The following HS3ST2 variants were observed in gnomAD, a reference collection of about 807,000 sequenced individuals.
HS3ST2 encodes the protein heparan sulfate-glucosamine 3-sulfotransferase 2.
HS3ST2 carries 17 observed loss-of-function variants against 26.3 expected under a neutral mutation model. The ratio of observed to expected loss-of-function variants is 0.65; its 90% CI spans 0.44 to 0.97. The LOEUF (loss-of-function observed/expected upper bound fraction) is 0.97. HS3ST2 is among the 50% of genes least tolerant of loss of function. The pLI is 0.00. For missense variants in HS3ST2, 402 were observed against 501.2 expected (o/e 0.80, Z 1.89); for synonymous variants, 237 against 219.2 (o/e 1.08, Z -0.72).
At chr16:22,855,442 CCTGG>C (rs1901576845) in intron 1 of HS3ST2, among the ~76,000 whole-genome samples, 1 of 152,120 alleles carries the variant, frequency 6.6e-6, no homozygotes, top group African/African-American at 2.4e-5. Flanking sequence ...GCTTCCAGGC[CCTGG>C]CTGGCTGGCT....
chr16:22,815,667 C>T (rs1024420361), intron 1 of HS3ST2, among the ~76,000 whole-genome samples: 2 of 152,078 alleles, frequency 1.3e-5, no homozygotes, highest in East Asian at 1.9e-4. Flanking sequence ...GGGCTGAGAC[C>T]CCCAGTAGCT....
At chr16:22,854,639 CTTT>C (rs35867719) in intron 1 of HS3ST2, 24 of 127,330 alleles carry the variant, frequency 1.9e-4, no homozygotes, top group Non-Finnish European at 1.8e-4. Flanking sequence ...GTATTAAATG[CTTT>C]TTTTTTTTTT....
rs188462668 is a variant in HS3ST2, at chr16:22,828,129, G to A, written c.485+13034G>A. Among the ~76,000 whole-genome samples, 18 of 152,226 alleles carry A rather than the reference G, an allele frequency of 1.2e-4. 1 individual carries two copies. Among genetic ancestry groups the A allele is most frequent in the Admixed American group, 6.5e-4 (10 of 15,290 alleles). ...TTGACTGGTCCTGTCTATCATAGAC[G>A]TCCCTAAACTAACCAAAGAAAAGAA... On this transcript the variant is annotated intron_variant, in intron 1 of 1. Transcript: ENST00000261374.
rs1361441828 is a variant in HS3ST2 at position 22,836,142 on chromosome 16, A to G, written c.485+21047A>G. Among the ~76,000 whole-genome samples, 6 of 152,210 alleles carry G rather than the reference A, an allele frequency of 3.9e-5. No homozygotes were observed. The East Asian group carries it at 1.2e-3, about 29-fold the overall frequency. Reference sequence around the variant, plus strand: ...TGAAGGGCTGAAGCATCTTTATGATACTGAAAAAAAGGATTAGGTAAAATC... The same window carrying G: ...TGAAGGGCTGAAGCATCTTTATGATGCTGAAAAAAAGGATTAGGTAAAATC... On this transcript the variant is annotated intron_variant, in intron 1 of 1. Transcript: ENST00000261374.
chr16:22,891,895 A>G (rs1437218647), intron 1 of HS3ST2, among the ~76,000 whole-genome samples: 1 of 152,160 alleles, frequency 6.6e-6, no homozygotes, highest in Non-Finnish European at 1.5e-5. Context: ...CGAATTTATA[A>G]GTGCACAGGG....
At chr16:22,840,090 C>A (rs1253929414) in intron 1 of HS3ST2, among the ~76,000 whole-genome samples, 1 of 152,212 alleles carries the variant, frequency 6.6e-6, no homozygotes, top group Non-Finnish European at 1.5e-5. Flanking sequence ...AAAGCACATG[C>A]CATCTTTGAC....
intron 1 of HS3ST2, among the ~76,000 whole-genome samples, chr16:22,880,239 C>A (rs746267579): frequency 1.6e-4 from 24 of 152,038 alleles, no homozygotes; most frequent in Non-Finnish European, 3.4e-4. Flanking sequence ...GGCAACATAG[C>A]AAGACCCTAT....
intron 1 of HS3ST2, among the ~76,000 whole-genome samples, chr16:22,845,323 T>C (rs998541643): frequency 6.8e-6 from 1 of 146,870 alleles, no homozygotes; most frequent in African/African-American, 2.7e-5. Context: ...AGGAATTTCC[T>C]TTTTTGTGTG....
In HS3ST2 at chr16:22,915,722, G is replaced by T; in HGVS notation, c.*160G>T. The stretch of plus-strand genomic sequence containing the variant: ...AACCAGGAAGCCCAGCTAAAGCCAA[G>T]AGACCAGAGAGTCCCTGCCACTAGT... On this transcript the variant is annotated 3_prime_UTR_variant, in exon 2 of 2. Transcript: ENST00000261374. 1 of 723,640 alleles carries T rather than the reference G, an allele frequency of 1.4e-6. No homozygotes were observed. The highest frequency in any genetic ancestry group is 2.3e-6 in the Non-Finnish European group (1 of 438,256). The allele number at this position is 723,640 out of a possible 1,614,324, so 44.8% of individuals were successfully genotyped here.
Position 22,915,203 on chromosome 16 carries a change from C to G in HS3ST2, c.745C>G (p.Arg249Gly). 6.2e-7 allele frequency: 1 copy of G among 1,614,140 alleles called. No individual in the cohort carries two copies. Among genetic ancestry groups the G allele is most frequent in the Non-Finnish European group, 8.5e-7 (1 of 1,180,028 alleles). ...GGTGGACGTGTCATGGAACGCCATC[C>G]GCATCGGCATGTACGTGCTGCACCT... The part of the protein sequence containing the change: ...GLVDVSWNAI[R>G]IGMYVLHLES... The change falls in exon 2 of 2, where the codon CGC (arginine) becomes GGC (glycine). Residue 249 changes from arginine (R) to glycine (G), a missense_variant. Around this residue, in one of 2 missense-constraint regions of HS3ST2, gnomAD observed 237 missense variants for 346.6 expected, o/e 0.68. Transcript: ENST00000261374.
intron 1 of HS3ST2, among the ~76,000 whole-genome samples, chr16:22,897,625 A>G (rs1359186230): frequency 6.6e-6 from 1 of 152,212 alleles, no homozygotes; most frequent in Admixed American, 6.5e-5. Flanking sequence ...CCTGGTTCCA[A>G]TTTTCTAAAA....
intron 1 of HS3ST2, among the ~76,000 whole-genome samples, chr16:22,845,770 G>A (rs919890622): frequency 6.6e-6 from 1 of 152,196 alleles, no homozygotes; most frequent in Non-Finnish European, 1.5e-5. Context: ...AGCAACACAA[G>A]AAGCAACTTA....
chr16:22,874,919 C>T (rs2015695), intron 1 of HS3ST2, among the ~76,000 whole-genome samples: 1 of 151,996 alleles, frequency 6.6e-6, no homozygotes, highest in African/African-American at 2.4e-5. Context: ...AAATCACATA[C>T]AGGGAAGGGC....
At chr16:22,830,452 C>A (rs1287418884) in intron 1 of HS3ST2, among the ~76,000 whole-genome samples, 1 of 152,136 alleles carries the variant, frequency 6.6e-6, no homozygotes, top group East Asian at 1.9e-4. Context: ...TTCTGTTCAC[C>A]CTTGATCAGT....
At chr16:22,815,358 C>T (rs1900848741) in intron 1 of HS3ST2, among the ~76,000 whole-genome samples, 1 of 152,184 alleles carries the variant, frequency 6.6e-6, no homozygotes, top group Non-Finnish European at 1.5e-5. Flanking sequence ...AACCTAAGTG[C>T]CAGCTAAAGG....
At chr16:22,857,005 C>A (rs191296964) in intron 1 of HS3ST2, among the ~76,000 whole-genome samples, 1 of 152,072 alleles carries the variant, frequency 6.6e-6, no homozygotes, top group Non-Finnish European at 1.5e-5. Context: ...ATAATATATT[C>A]GAGGCACTAT....
chr16:22,889,374 T>G (rs938518485), intron 1 of HS3ST2, among the ~76,000 whole-genome samples: 1 of 152,160 alleles, frequency 6.6e-6, no homozygotes, highest in Non-Finnish European at 1.5e-5. Flanking sequence ...ATCATATAAG[T>G]CATTCACTGA....
chr16:22,915,276 G>T lies in HS3ST2; in HGVS notation c.818G>T (p.Ser273Ile). ...YFPLAQIHFV[S>I]GERLITDPAG... ...CCGCTAGCTCAGATTCACTTCGTCA[G>T]TGGCGAGCGACTCATCACTGACCCG... The change falls in exon 2 of 2, where the codon AGT becomes ATT. Residue 273 changes from serine to isoleucine, a missense_variant. Coordinates refer to ENST00000261374, the MANE Select transcript of HS3ST2 (RefSeq NM_006043.2). 6.2e-7 allele frequency: 1 copy of T among 1,614,152 alleles called. No individual in the cohort carries two copies. Among genetic ancestry groups the T allele is most frequent in the South Asian group, 1.1e-5 (1 of 91,082 alleles).
chr16:22,827,263 A>G (rs531101658), intron 1 of HS3ST2, among the ~76,000 whole-genome samples: 24 of 152,294 alleles, frequency 1.6e-4, no homozygotes, highest in African/African-American at 5.5e-4. Context: ...AGGGATGGGA[A>G]ATAAACCTGG....
Sources: gnomAD v4.1 joint callset for allele counts (sites outside exome capture counted in the v4.1 genomes callset) on GRCh38, gnomAD v4.1.1 for gene constraint, gnomAD v4.1.1 regional missense constraint, MANE v1.5 for transcripts, NCBI Gene and HGNC (gene_info 2026-07-23, HGNC 2026-07-21) for gene names.